Variants in CDC42BPG observed in about 807,000 individuals in gnomAD.
The protein encoded by CDC42BPG is serine/threonine-protein kinase MRCK gamma.
A neutral mutation model predicts 192.2 loss-of-function variants in CDC42BPG; 157 were observed. The ratio of observed to expected loss-of-function variants is 0.82; its 90% CI spans 0.72 to 0.93. The LOEUF (loss-of-function observed/expected upper bound fraction) is 0.93, where lower values mean the gene tolerates loss of function less well. CDC42BPG is among the 40% of genes least tolerant of loss of function. CDC42BPG has a pLI of 0.00. For missense variants in CDC42BPG, 1,992 were observed against 2,122.1 expected, an observed-to-expected ratio of 0.94 and a Z score of 1.20; for synonymous variants, 981 against 918.5, an observed-to-expected ratio of 1.07 and a Z score of -1.23.
rs541300556 is a variant in CDC42BPG at position 64,827,942 on chromosome 11, A to T, written c.3968-159T>A. On this transcript the variant is annotated intron_variant, in intron 30 of 36. Coordinates refer to ENST00000342711, the MANE Select transcript of CDC42BPG (RefSeq NM_017525.3). ...CCAGCCTCCACATCAAATCAGAGAT[A>T]ACCCTGGACCACTCACCACATGCCT... Among the ~76,000 whole-genome samples, 123 of 152,274 alleles carry T rather than the reference A, an allele frequency of 8.1e-4. 1 individual carries two copies. Among genetic ancestry groups the T allele is most frequent in the African/African-American group, 2.9e-3 (120 of 41,562 alleles).
chr11:64,830,563 A>G, intron 28 of CDC42BPG: 2 of 483,442 alleles, frequency 4.1e-6, no homozygotes, highest in Non-Finnish European at 7.6e-6. Flanking sequence ...TGAGGAAGCG[A>G]GGAAGTGATG....
intron 5 of CDC42BPG, 144 bp downstream of exon 5, chr11:64,839,976 T>A: frequency 1.2e-6 from 1 of 833,424 alleles, no homozygotes. Flanking sequence ...TTTGGTATGA[T>A]TCCAAGGAAG....
In CDC42BPG at chr11:64,834,014, T is replaced by C. The variant is rs772812032; in HGVS notation, c.2414-37A>G. 3 of 1,613,022 alleles carry C rather than the reference T, an allele frequency of 1.9e-6. No individual in the cohort carries two copies. The South Asian group carries it at 3.3e-5, about 18-fold the overall frequency. On this transcript the variant is annotated intron_variant, in intron 20 of 36. Coordinates refer to ENST00000342711, the MANE Select transcript of CDC42BPG (RefSeq NM_017525.3). ...GGGTGGGTCACTGGCCTGGGGTCCC[T>C]GGCCTGAGGAACTAGGGTCCAGGAG... is the stretch of plus-strand genomic sequence containing the variant.
In CDC42BPG at chr11:64,833,818, G is replaced by A. The variant is rs1326382561; in HGVS notation, c.2485C>T (p.Pro829Ser). ...RSSEKDSAKD[P>S]GISGEATRHG... ...CTTGTGGCCTCTCCTGAGATGCCAG[G>A]GTCCTTGGCAGAATCCTTCTGGGGG... Residue 829 changes from proline (P) to serine (S), a missense_variant, in exon 22 of 37, where the codon CCT becomes TCT. This residue lies in a region of CDC42BPG where 1,656 missense variants were observed against 1,844.3 expected (regional missense o/e 0.90). Transcript: ENST00000342711. 22 of 1,614,134 alleles carry A rather than the reference G, an allele frequency of 1.4e-5. No homozygotes were observed. The highest frequency in any genetic ancestry group is 1.9e-5 in the Non-Finnish European group (22 of 1,180,048).
intron 31 of CDC42BPG, 30 bp downstream of exon 31, chr11:64,827,656 C>A: frequency 1.2e-6 from 2 of 1,605,052 alleles, no homozygotes; most frequent in Non-Finnish European, 1.7e-6. Context: ...CCACCCCCGG[C>A]GCTACCCCAG....
intron 28 of CDC42BPG, among the ~76,000 whole-genome samples, chr11:64,831,292 T>G (rs1482058838): frequency 2.6e-5 from 4 of 151,622 alleles, no homozygotes; most frequent in Non-Finnish European, 4.4e-5. Context: ...AAGCAGAAAC[T>G]GAGGCACAGC....
intron 1 of CDC42BPG, 133 bp downstream of exon 1, chr11:64,844,277 G>T: frequency 1.2e-6 from 1 of 866,940 alleles, no homozygotes; most frequent in Non-Finnish European, 1.6e-6. Flanking sequence ...GGTGGTACGC[G>T]TCAGGGCCAC....
Position 64,834,290 on chromosome 11 carries a change from C to G in CDC42BPG, c.2389G>C (p.Glu797Gln). The G allele has an allele frequency of 6.3e-7, 1 of 1,578,288 alleles. No homozygotes were observed. Among genetic ancestry groups the G allele is most frequent in the East Asian group, 2.3e-5 (1 of 42,690 alleles). The stretch of plus-strand genomic sequence containing the variant: ...CCCACTGGCCCTCGGGCCCGCAGCT[C>G]CTCCCGCAGCATGGCGAGCTCCTGT... ...LQQELAMLRE[E>Q]LRARGPVDTK... Residue 797 changes from glutamate to glutamine, a missense_variant, in exon 20 of 37, where the codon GAG (glutamate) becomes CAG (glutamine). Glu to Gln is a conservative substitution (Grantham distance 29, BLOSUM62 2). Around this residue, in one of 2 missense-constraint regions of CDC42BPG, gnomAD observed 1,656 missense variants for 1,844.3 expected, o/e 0.90. Transcript: ENST00000342711.
At position 64,834,834 on chromosome 11, in the gene CDC42BPG, A is replaced by G. The variant is rs772178011; in HGVS notation, c.2175+15T>C. ...CTTGCCCAAGCCAGCCCCCAGGGGC[A>G]TCTCTGGGGCTCACCAGTGGCCGGG... On this transcript the variant is annotated intron_variant, in intron 18 of 36. Transcript: ENST00000342711. 2 of 1,606,068 alleles carry G rather than the reference A, an allele frequency of 1.2e-6. No individual in the cohort carries two copies. Among genetic ancestry groups the G allele is most frequent in the East Asian group, 2.2e-5 (1 of 44,868 alleles).
In CDC42BPG at chr11:64,832,918, G is replaced by A. The variant is rs35627931; in HGVS notation, c.2773C>T (p.Pro925Ser). 4.5e-6 allele frequency: 7 copies of A among 1,544,564 alleles called. No individual in the cohort carries two copies. Among genetic ancestry groups the A allele is most frequent in the Non-Finnish European group, 6.1e-6 (7 of 1,145,060 alleles). Reference protein sequence around the residue: ...FCHTTCAPQAPPCPVPPDLLR... With the variant: ...FCHTTCAPQASPCPVPPDLLR... ...AGGTCAGGGGGCACGGGGCAGGGTG[G>A]GGCCTGTGGGGCACAGGTTGTGTGA... The change falls in exon 25 of 37, where the codon CCA (proline) becomes TCA (serine). Residue 925 changes from proline (P) to serine (S), a missense_variant. By Grantham distance (74) the Pro-to-Ser change is moderately conservative. Transcript: ENST00000342711.
Position 64,832,736 on chromosome 11 carries a change from C to T in CDC42BPG, c.2873G>A (p.Arg958Gln), listed in dbSNP as rs770703770. The T allele has an allele frequency of 3.2e-5, 52 of 1,606,734 alleles. No individual in the cohort carries two copies. The Admixed American group carries it at 4.2e-4, about 13-fold the overall frequency. Reference protein sequence around the residue: ...TAYEGFLSVPRPSGVRRGWQR... With the variant: ...TAYEGFLSVPQPSGVRRGWQR... The stretch of plus-strand genomic sequence containing the variant: ...CCAGCCCCGCCGGACACCTGAGGGC[C>T]GCGGCACCTGGCGGAAAGGCAAGCA... Residue 958 changes from arginine to glutamine, a missense_variant, in exon 26 of 37, where the codon CGG (arginine) becomes CAG (glutamine). By Grantham distance (43) the Arg-to-Gln change is conservative (BLOSUM62 1). Around this residue, in one of 2 missense-constraint regions of CDC42BPG, gnomAD observed 1,656 missense variants for 1,844.3 expected, o/e 0.90. Coordinates refer to ENST00000342711, the MANE Select transcript of CDC42BPG (RefSeq NM_017525.3).
intron 31 of CDC42BPG, 29 bp downstream of exon 31, chr11:64,827,657 G>A (rs1186602617): frequency 7.5e-6 from 12 of 1,605,444 alleles, no homozygotes; most frequent in Non-Finnish European, 1.0e-5. Flanking sequence ...CACCCCCGGC[G>A]CTACCCCAGG....
chr11:64,835,315 G>A, intron 16 of CDC42BPG, 32 bp downstream of exon 16: 1 of 1,612,684 alleles, frequency 6.2e-7, no homozygotes, highest in Non-Finnish European at 8.5e-7. Flanking sequence ...TTGTCCGTCT[G>A]TTGTACCCTC....
intron 30 of CDC42BPG, 114 bp downstream of exon 30, chr11:64,829,357 G>A: frequency 7.3e-7 from 1 of 1,361,418 alleles, no homozygotes; most frequent in Non-Finnish European, 1.0e-6. Context: ...GCTGGAGGAT[G>A]CAAACTGGCA....
Position 64,824,705 on chromosome 11 carries a change from G to A in CDC42BPG, c.4600-176C>T, listed in dbSNP as rs147637848. On this transcript the variant is annotated intron_variant, in intron 36 of 36. Coordinates refer to ENST00000342711, the MANE Select transcript of CDC42BPG (RefSeq NM_017525.3). ...GGTAAATGGGTCACTGGAAGAACCT[G>A]GAGAGCTCCTACTTAACTTTGAATG... 5.0e-4 allele frequency among the ~76,000 whole-genome samples: 76 copies of A among 152,256 alleles called. 1 individual carries two copies. Among genetic ancestry groups the A allele is most frequent in the African/African-American group, 1.8e-3 (75 of 41,528 alleles).
rs537769673 is a variant in CDC42BPG at position 64,840,564 on chromosome 11, C to A, written c.421G>T (p.Glu141Ter). The A allele has an allele frequency of 6.2e-7, 1 of 1,613,902 alleles. No homozygotes were observed. Among genetic ancestry groups the A allele is most frequent in the South Asian group, 1.1e-5 (1 of 91,086 alleles). Residue 141 changes from glutamate to a stop codon, truncating the protein, a stop_gained, in exon 4 of 37, where the codon GAG becomes TAG. Transcript: ENST00000342711. LOFTEE classifies it high-confidence loss of function. ...CCACGTATCCTCACCAGGTACTCCTCGTCTTGGAAGGCATAGTGCAGAGTG... is the reference window on the plus strand; with the variant it reads ...CCACGTATCCTCACCAGGTACTCCTAGTCTTGGAAGGCATAGTGCAGAGTG... ...VTTLHYAFQD[E>*]EYLYLVMDYY...
Position 64,827,783 on chromosome 11 carries a change from CCTG to C in CDC42BPG, c.3968-3_3968-1del. 2.5e-6 allele frequency: 4 copies of C among 1,602,362 alleles called. No homozygotes were observed. Among genetic ancestry groups the C allele is most frequent in the Non-Finnish European group, 2.6e-6 (3 of 1,173,884 alleles). ...CACTGTCAGGTAGGGGGCCGCATACCCTGCGGGCACGCCAGGCACCTCTGAGCT... is the reference window on the plus strand; with the variant it reads ...CACTGTCAGGTAGGGGGCCGCATACCCGGGCACGCCAGGCACCTCTGAGCT... On this transcript the variant is annotated splice_acceptor_variant and splice_polypyrimidine_tract_variant and intron_variant, in intron 30 of 36. Transcript: ENST00000342711. LOFTEE classifies it high-confidence loss of function.
chr11:64,840,249 T>TACCCCGTC lies in CDC42BPG; in HGVS notation c.451_452insGACGGGGT (p.Tyr151Ter). On this transcript the variant is annotated stop_gained and frameshift_variant, in exon 5 of 37. Transcript: ENST00000342711. LOFTEE classifies it high-confidence loss of function. ...CAGCGTCAGGAGGTCCCCACCAGCA[T>TACCCCGTC]AGTAGTCCATCACAAGGTACTGGAG... The TACCCCGTC allele has an allele frequency of 1.2e-6, 2 of 1,612,222 alleles. No homozygotes were observed. The highest frequency in any genetic ancestry group is 1.7e-6 in the Non-Finnish European group (2 of 1,179,964).
At position 64,829,574 on chromosome 11, in the gene CDC42BPG, G is replaced by A. The variant is rs111942204; in HGVS notation, c.3864C>T (p.Ser1288=). Residue 1288 remains serine (S), a synonymous_variant, in exon 30 of 37, where the codon AGC becomes AGT. Transcript: ENST00000342711. ...EALGAVELSL[S]EFLLLFTTAG... is the part of the protein sequence containing the mutation. ...CAGTGGTGAAGAGTAGCAGGAACTCGCTGAGGCTAAGCTCCACGGCACCCA... is the reference window on the plus strand; with the variant it reads ...CAGTGGTGAAGAGTAGCAGGAACTCACTGAGGCTAAGCTCCACGGCACCCA... The A allele has an allele frequency of 5.5e-5, 88 of 1,612,504 alleles. 5 individuals are homozygous for A. Among genetic ancestry groups the A allele is most frequent in the African/African-American group, 5.2e-4 (39 of 75,072 alleles).
Sources: allele counts gnomAD v4.1 joint callset (sites outside exome capture counted in the v4.1 genomes callset), GRCh38; gene constraint gnomAD v4.1.1; regional missense constraint gnomAD v4.1.1; transcripts MANE v1.5; gene names NCBI Gene and HGNC (gene_info 2026-07-23, HGNC 2026-07-21).